The following LOXHD1 variants were observed in gnomAD, a reference collection of about 807,000 sequenced individuals.
LOXHD1 encodes lipoxygenase homology domain-containing protein 1.
Under a neutral mutation model 248.2 loss-of-function variants are expected in LOXHD1, and 205 were observed. The ratio of observed to expected loss-of-function variants is 0.83; its 90% CI spans 0.74 to 0.93. The LOEUF (loss-of-function observed/expected upper bound fraction) is 0.93. Ranked by LOEUF, LOXHD1 falls within the 40% of genes least tolerant of loss-of-function variation. The pLI is 0.00. For missense variants in LOXHD1, 2,930 were observed against 2,971.6 expected (o/e 0.99, Z 0.33); for synonymous variants, 1,113 against 1,162.8 (o/e 0.96, Z 0.87).
intron 1 of LOXHD1, among the ~76,000 whole-genome samples, chr18:46,652,282 G>T (rs2039121516): frequency 1.3e-5 from 2 of 152,134 alleles, no homozygotes; most frequent in South Asian, 4.1e-4. Flanking sequence ...CAATTTAAAT[G>T]GTCCATGAAT....
intron 28 of LOXHD1, among the ~76,000 whole-genome samples, chr18:46,530,528 G>C (rs2036017133): frequency 6.6e-6 from 1 of 152,118 alleles, no homozygotes; most frequent in Admixed American, 6.5e-5. Flanking sequence ...CACTCATCCT[G>C]GACTAAGGGC....
At chr18:46,652,270 G>T (rs1286556556) in intron 1 of LOXHD1, among the ~76,000 whole-genome samples, 1 of 152,156 alleles carries the variant, frequency 6.6e-6, no homozygotes, top group Non-Finnish European at 1.5e-5. Context: ...ACCCTTGAGG[G>T]CCAATTTAAA....
At chr18:46,606,372 T>A (rs2038413759) in intron 6 of LOXHD1, among the ~76,000 whole-genome samples, 1 of 151,812 alleles carries the variant, frequency 6.6e-6, no homozygotes, top group South Asian at 2.1e-4. Context: ...AGGTTGAACA[T>A]CCCTAATCTG....
chr18:46,483,468 G>A lies in LOXHD1; in HGVS notation c.6341+119C>T. On this transcript the variant is annotated intron_variant, in intron 40 of 40. Coordinates refer to ENST00000642948, the MANE Select transcript of LOXHD1 (RefSeq NM_001384474.1). Reference sequence around the variant, plus strand: ...CTGCCTTCTAGGCCTCCTGAACAGGGTAATCTTGACCTTGAAGAAGAGACC... The same window carrying A: ...CTGCCTTCTAGGCCTCCTGAACAGGATAATCTTGACCTTGAAGAAGAGACC... 3.2e-6 allele frequency: 4 copies of A among 1,248,666 alleles called. No individual in the cohort carries two copies. The South Asian group carries it at 5.3e-5, about 17-fold the overall frequency. The allele number at this position is 1,248,666 out of a possible 1,614,324, so 77.3% of individuals were successfully genotyped here.
intron 12 of LOXHD1, among the ~76,000 whole-genome samples, chr18:46,584,921 A>G (rs2038031289): frequency 6.6e-6 from 1 of 152,210 alleles, no homozygotes; most frequent in African/African-American, 2.4e-5. Flanking sequence ...CTGAAAATCA[A>G]TTAATGTAAT....
At chr18:46,616,870 G>C (rs745315282) in intron 5 of LOXHD1, among the ~76,000 whole-genome samples, 1 of 152,084 alleles carries the variant, frequency 6.6e-6, no homozygotes, top group Non-Finnish European at 1.5e-5. Flanking sequence ...TGCCAAATCT[G>C]TTTCCTTTTA....
intron 37 of LOXHD1, among the ~76,000 whole-genome samples, chr18:46,491,368 C>G (rs996441327): frequency 6.6e-6 from 1 of 152,194 alleles, no homozygotes; most frequent in Non-Finnish European, 1.5e-5. Context: ...GTTACTGAGC[C>G]CTACTGCCAG....
chr18:46,568,802 G>T (rs1158752689), intron 16 of LOXHD1, among the ~76,000 whole-genome samples: 1 of 152,156 alleles, frequency 6.6e-6, no homozygotes, highest in African/African-American at 2.4e-5. Context: ...GTTCACACTG[G>T]CCTCTTTTCC....
intron 21 of LOXHD1, among the ~76,000 whole-genome samples, chr18:46,553,547 A>G (rs1228261568): frequency 6.6e-6 from 1 of 152,220 alleles, no homozygotes; most frequent in East Asian, 1.9e-4. Flanking sequence ...CAACATATTA[A>G]CCATCATTTT....
chr18:46,484,717 G>A (rs539834213), intron 39 of LOXHD1, among the ~76,000 whole-genome samples: 1 of 152,304 alleles, frequency 6.6e-6, no homozygotes, highest in East Asian at 1.9e-4. Context: ...ACAGTTCAGA[G>A]GTGGCTCTGA....
intron 20 of LOXHD1, 117 bp downstream of exon 20, chr18:46,559,331 A>G: frequency 6.5e-7 from 1 of 1,547,950 alleles, no homozygotes; most frequent in South Asian, 1.2e-5. Context: ...ACCTGGTGGG[A>G]TGAACAAGTC....
In LOXHD1 at chr18:46,511,227, A is replaced by AGGG. The variant is rs1353173394; in HGVS notation, c.5400-1413_5400-1412insCCC. 2.0e-5 allele frequency among the ~76,000 whole-genome samples: 3 copies of AGGG among 152,140 alleles called. No homozygotes were observed. The East Asian group carries it at 5.8e-4, about 29-fold the overall frequency. On this transcript the variant is annotated intron_variant, in intron 34 of 40. Transcript: ENST00000642948. ...ATGGACTTCCTCTCTTCGGTGTAAAACCATCTAAAGTGAAGGCCCTTATTT... is the reference window on the plus strand; with the variant it reads ...ATGGACTTCCTCTCTTCGGTGTAAAAGGGCCATCTAAAGTGAAGGCCCTTATTT...
At position 46,492,533 on chromosome 18, in the gene LOXHD1, T is replaced by C. The variant is rs540133069; in HGVS notation, c.5879-3391A>G. Among the ~76,000 whole-genome samples the C allele has an allele frequency of 5.3e-5, 8 of 152,274 alleles. No homozygotes were observed. The South Asian group carries it at 1.7e-3, about 32-fold the overall frequency. Reference sequence around the variant, plus strand: ...AGCATGGGGGAAACCACACCCGCAATTCAATTATCTCCCCCTGGTCTCGCC... The same window carrying C: ...AGCATGGGGGAAACCACACCCGCAACTCAATTATCTCCCCCTGGTCTCGCC... On this transcript the variant is annotated intron_variant, in intron 37 of 40. Coordinates refer to ENST00000642948, the MANE Select transcript of LOXHD1 (RefSeq NM_001384474.1).
intron 12 of LOXHD1, among the ~76,000 whole-genome samples, chr18:46,585,752 A>G (rs2038047521): frequency 6.6e-6 from 1 of 152,178 alleles, no homozygotes; most frequent in African/African-American, 2.4e-5. Context: ...AGAATGAATA[A>G]TCAAGGAGAA....
chr18:46,558,868 G>T (rs1165482515), intron 20 of LOXHD1, among the ~76,000 whole-genome samples: 1 of 151,982 alleles, frequency 6.6e-6, no homozygotes, highest in African/African-American at 2.4e-5. Context: ...TGTCTCTTAA[G>T]CCTCTCATGA....
chr18:46,512,454 C>T (rs2035022757), intron 34 of LOXHD1, among the ~76,000 whole-genome samples: 1 of 152,206 alleles, frequency 6.6e-6, no homozygotes, highest in African/African-American at 2.4e-5. Flanking sequence ...AAACCCTTGT[C>T]TCTGAATTTT....
At chr18:46,548,968 G>A (rs2036968335) in intron 21 of LOXHD1, among the ~76,000 whole-genome samples, 1 of 152,184 alleles carries the variant, frequency 6.6e-6, no homozygotes, top group Non-Finnish European at 1.5e-5. Flanking sequence ...CTCAGAACCT[G>A]CTCCTTGTAC....
Position 46,489,079 on chromosome 18 carries a change from A to G in LOXHD1, c.5942T>C (p.Phe1981Ser), listed in dbSNP as rs1005361609. The G allele has an allele frequency of 5.2e-6, 8 of 1,551,600 alleles. No individual in the cohort carries two copies. The African/African-American group carries it at 8.2e-5, about 16-fold the overall frequency. ...GAGCCAGCAGTCACACTGGAAGTGGAAGGTCTCGTCGCGGGAGTTGTCCTT... is the reference window on the plus strand; with the variant it reads ...GAGCCAGCAGTCACACTGGAAGTGGGAGGTCTCGTCGCGGGAGTTGTCCTT... Reference protein sequence around the residue: ...DVKDNSRDETFHFQCDCWLSK... With the variant: ...DVKDNSRDETSHFQCDCWLSK... Residue 1981 changes from phenylalanine (F) to serine (S), a missense_variant, in exon 38 of 41, where the codon TTC (phenylalanine) becomes TCC (serine). Phe to Ser is a radical substitution (Grantham distance 155). Transcript: ENST00000642948.
At chr18:46,518,326 T>C in intron 33 of LOXHD1, 70 bp from the exon 34 acceptor site, 1 of 1,512,928 alleles carries the variant, frequency 6.6e-7, no homozygotes, top group Non-Finnish European at 8.9e-7. Context: ...TGCCTCAGTC[T>C]CACCAGAGAA....
Sources: gnomAD v4.1 joint callset for allele counts (sites outside exome capture counted in the v4.1 genomes callset) on GRCh38, gnomAD v4.1.1 for gene constraint, MANE v1.5 for transcripts, NCBI Gene and HGNC (gene_info 2026-07-23, HGNC 2026-07-21) for gene names.